HPSE2: variants seen among roughly 807,000 people sequenced by gnomAD.
HPSE2 encodes heparanase 2 (inactive).
HPSE2 carries 38 observed loss-of-function variants against 60.5 expected under a neutral mutation model. The observed-to-expected ratio is 0.63, with a 90% CI of 0.48 to 0.82. HPSE2 has a LOEUF of 0.82. Ranked by LOEUF, HPSE2 falls within the 40% of genes least tolerant of loss-of-function variation. The pLI, the probability that HPSE2 is intolerant of heterozygous loss-of-function variation, is 0.00. For missense variants in HPSE2, 713 were observed against 740.4 expected, an observed-to-expected ratio of 0.96 and a Z score of 0.43; for synonymous variants, 295 against 293.2, an observed-to-expected ratio of 1.01 and a Z score of -0.06.
chr10:98,655,073 A>G (rs956423192), intron 6 of HPSE2, among the ~76,000 whole-genome samples: 19 of 152,128 alleles, frequency 1.2e-4, no homozygotes, highest in African/African-American at 4.6e-4. Flanking sequence ...TTATGGTTAA[A>G]TCTCAGTCTT....
At chr10:99,038,513 T>C (rs1373710339) in intron 3 of HPSE2, among the ~76,000 whole-genome samples, 1 of 152,076 alleles carries the variant, frequency 6.6e-6, no homozygotes, top group Non-Finnish European at 1.5e-5. Context: ...GGTTTAGGAA[T>C]TGGGGGGAAG....
At chr10:99,056,722 G>A (rs1958123215) in intron 3 of HPSE2, among the ~76,000 whole-genome samples, 2 of 151,942 alleles carry the variant, frequency 1.3e-5, no homozygotes, top group Admixed American at 1.3e-4. Flanking sequence ...TATGCCCTTG[G>A]GAGTAGACAA....
chr10:98,771,864 TAA>T (rs1950248587), intron 3 of HPSE2, among the ~76,000 whole-genome samples: 1 of 152,090 alleles, frequency 6.6e-6, no homozygotes, highest in East Asian at 1.9e-4. Flanking sequence ...TGGCAGATGG[TAA>T]AGACAGGTAT....
intron 4 of HPSE2, among the ~76,000 whole-genome samples, chr10:98,724,686 C>T (rs1589712977): frequency 6.6e-6 from 1 of 152,112 alleles, no homozygotes; most frequent in Admixed American, 6.6e-5. Context: ...ATAGTTAGCT[C>T]TTCTTTTTGA....
intron 9 of HPSE2, among the ~76,000 whole-genome samples, chr10:98,554,360 A>G (rs1943944668): frequency 6.6e-6 from 1 of 152,188 alleles, no homozygotes; most frequent in Non-Finnish European, 1.5e-5. Flanking sequence ...AAATCTGACT[A>G]AAGTAGGACG....
At chr10:98,627,239 A>AGGTAGGAGGATCACTTGAG in intron 7 of HPSE2, among the ~76,000 whole-genome samples, 1 of 152,276 alleles carries the variant, frequency 6.6e-6, no homozygotes, top group South Asian at 2.1e-4. Flanking sequence ...TGGGAGGCTG[A>AGGTAGGAGGATCACTTGAG]GGTAGGAGGA....
intron 11 of HPSE2, among the ~76,000 whole-genome samples, chr10:98,473,616 G>A (rs2133614682): frequency 6.6e-6 from 1 of 152,168 alleles, no homozygotes; most frequent in Non-Finnish European, 1.5e-5. Flanking sequence ...TCTAAGGTGA[G>A]CAATCTGAAC....
chr10:98,992,661 C>G (rs1387250632), intron 3 of HPSE2, among the ~76,000 whole-genome samples: 1 of 152,098 alleles, frequency 6.6e-6, no homozygotes. Flanking sequence ...AAATTATATA[C>G]AAAAAATAGC....
the HPSE2 span, among the ~76,000 whole-genome samples, chr10:99,289,613 A>G: frequency 6.6e-6 from 1 of 152,192 alleles, no homozygotes; most frequent in Admixed American, 6.5e-5. Flanking sequence ...ATAAAAGTTA[A>G]GGTTTTCCAA....
chr10:99,047,159 A>C (rs1011955651), intron 3 of HPSE2, among the ~76,000 whole-genome samples: 3 of 152,174 alleles, frequency 2.0e-5, no homozygotes, highest in African/African-American at 7.2e-5. Context: ...AAACTCAAAA[A>C]TACAGCCACA....
At chr10:99,157,924 C>T (rs1846647253) in intron 2 of HPSE2, among the ~76,000 whole-genome samples, 1 of 105,018 alleles carries the variant, frequency 9.5e-6, no homozygotes, top group African/African-American at 2.7e-5. Flanking sequence ...CAAACAACCC[C>T]ATCAAAAAGT....
At chr10:98,871,066 C>G (rs1435239685) in intron 3 of HPSE2, among the ~76,000 whole-genome samples, 1 of 152,068 alleles carries the variant, frequency 6.6e-6, no homozygotes, top group Non-Finnish European at 1.5e-5. Flanking sequence ...TCACCAGAAG[C>G]AGATGCTGGT....
At chr10:99,159,658 CT>C (rs1181938654) in intron 2 of HPSE2, among the ~76,000 whole-genome samples, 1 of 151,886 alleles carries the variant, frequency 6.6e-6, no homozygotes, top group East Asian at 1.9e-4. Context: ...AAAGAAAAGC[CT>C]CAAAATCAAT....
intron 3 of HPSE2, among the ~76,000 whole-genome samples, chr10:99,138,435 T>G (rs546636632): frequency 9.2e-5 from 14 of 152,260 alleles, no homozygotes; most frequent in African/African-American, 3.4e-4. Context: ...TAAAGACACA[T>G]GCACACACAT....
At chr10:99,062,253 C>T (rs1463843251) in intron 3 of HPSE2, among the ~76,000 whole-genome samples, 1 of 152,144 alleles carries the variant, frequency 6.6e-6, no homozygotes. Context: ...TTCAGATTGG[C>T]TAGGAGGTGG....
intron 3 of HPSE2, among the ~76,000 whole-genome samples, chr10:98,917,589 C>A (rs1214339665): frequency 6.6e-6 from 1 of 152,200 alleles, no homozygotes; most frequent in East Asian, 1.9e-4. Context: ...ATAGTATTTT[C>A]TCTCTCAGAG....
chr10:99,123,816 T>C (rs1845056364), intron 3 of HPSE2, among the ~76,000 whole-genome samples: 1 of 152,070 alleles, frequency 6.6e-6, no homozygotes, highest in Admixed American at 6.5e-5. Context: ...CCTGTCAAGT[T>C]TGCAGCCCTC....
At chr10:98,463,951 T>C (rs1372850464) in intron 11 of HPSE2, among the ~76,000 whole-genome samples, 1 of 151,746 alleles carries the variant, frequency 6.6e-6, no homozygotes, top group Non-Finnish European at 1.5e-5. Flanking sequence ...ACCCTGTCTC[T>C]ACTAAAAATA....
At chr10:98,876,417 T>G (rs1218075623) in intron 3 of HPSE2, among the ~76,000 whole-genome samples, 3 of 151,722 alleles carry the variant, frequency 2.0e-5, no homozygotes, top group Non-Finnish European at 2.9e-5. Flanking sequence ...TCCATGGAAA[T>G]ACTCTAAAAT....
Sources: gnomAD v4.1 joint callset for allele counts (sites outside exome capture counted in the v4.1 genomes callset) on GRCh38, gnomAD v4.1.1 for gene constraint, MANE v1.5 for transcripts, NCBI Gene and HGNC (gene_info 2026-07-23, HGNC 2026-07-21) for gene names.